Variants in PRR33 observed in about 807,000 individuals in gnomAD.
The protein encoded by PRR33 is proline-rich protein 33.
In PRR33, 1 loss-of-function variant was observed where a neutral mutation model predicts 0.5. That is an observed-to-expected ratio of 2.18 (90% CI 0.77 to 10.34). The LOEUF (loss-of-function observed/expected upper bound fraction) is 10.34, where lower values mean the gene tolerates loss of function less well. Among genes scored for constraint, PRR33 ranks in the 30% most tolerant of loss-of-function variants. The pLI is 0.13. For synonymous variants in PRR33, 226 were observed against 110.0 expected (o/e 2.06, Z -6.60); for missense variants, 552 against 251.8 (o/e 2.19, Z -8.07).
At chr11:1,892,850 G>A (rs773853606), upstream of PRR33, among the ~76,000 whole-genome samples, 14 of 152,066 alleles carry the variant, frequency 9.2e-5, no homozygotes, top group Non-Finnish European at 2.1e-4. Flanking sequence ...ATGGATGAGT[G>A]GACAGATAGG....
At chr11:1,889,376 G>C (rs555029560) in exon 1 of PRR33, 1 of 706,042 alleles carries the variant, frequency 1.4e-6, no homozygotes, top group Non-Finnish European at 2.6e-6. Context: ...GGTACAGCAC[G>C]GCATCCCACA....
the PRR33 span, among the ~76,000 whole-genome samples, chr11:1,905,365 G>A: frequency 1.3e-5 from 2 of 151,002 alleles, no homozygotes; most frequent in Non-Finnish European, 2.9e-5. Flanking sequence ...GACCTCAGGT[G>A]ATCCGTCTGC....
upstream of PRR33, among the ~76,000 whole-genome samples, chr11:1,894,683 G>A (rs1849104613): frequency 6.6e-6 from 1 of 152,150 alleles, no homozygotes; most frequent in African/African-American, 2.4e-5. Context: ...GCCACAGCAT[G>A]GGTACACCCC....
the PRR33 span, among the ~76,000 whole-genome samples, chr11:1,915,934 T>C: frequency 3.4e-5 from 5 of 147,910 alleles, no homozygotes. Flanking sequence ...TAATGATGGA[T>C]GGATGGATGG....
chr11:1,908,991 T>G, the PRR33 span, among the ~76,000 whole-genome samples: 5 of 152,264 alleles, frequency 3.3e-5, no homozygotes, highest in African/African-American at 1.2e-4. Context: ...GCAAATGCCC[T>G]TCCCCCTATA....
the PRR33 span, among the ~76,000 whole-genome samples, chr11:1,913,512 CT>C: frequency 4.6e-4 from 70 of 152,282 alleles, no homozygotes; most frequent in South Asian, 0.013. Context: ...GCACCCAGGG[CT>C]TTGCTCTGGG....
the PRR33 span, among the ~76,000 whole-genome samples, chr11:1,912,852 C>T: frequency 2.0e-5 from 3 of 152,190 alleles, no homozygotes; most frequent in Admixed American, 6.5e-5. Context: ...AGTGATCTGC[C>T]CTCCTCGGCC....
chr11:1,896,616 C>T (rs1159928872), upstream of PRR33, among the ~76,000 whole-genome samples: 1 of 152,128 alleles, frequency 6.6e-6, no homozygotes, highest in Non-Finnish European at 1.5e-5. Flanking sequence ...CCTTTCTCGT[C>T]TGTATGGCTT....
the PRR33 span, among the ~76,000 whole-genome samples, chr11:1,898,132 G>T: frequency 3.3e-5 from 5 of 152,184 alleles, no homozygotes; most frequent in East Asian, 9.6e-4. Context: ...AAGGGATCCA[G>T]AGCAAGTCTA....
chr11:1,894,219 G>A (rs1849098324), upstream of PRR33, among the ~76,000 whole-genome samples: 2 of 119,688 alleles, frequency 1.7e-5, no homozygotes, highest in Non-Finnish European at 3.7e-5. Context: ...GGCTGGGAGT[G>A]TGGGAGTGTG....
chr11:1,890,735 A>G (rs1848966054), exon 1 of PRR33: 3 of 604,388 alleles, frequency 5.0e-6, no homozygotes, highest in Non-Finnish European at 8.8e-6. Flanking sequence ...AGAACCTGCC[A>G]GGGACATGCT....
At chr11:1,892,572 C>G (rs1176616283), upstream of PRR33, among the ~76,000 whole-genome samples, 1 of 152,178 alleles carries the variant, frequency 6.6e-6, no homozygotes, top group Admixed American at 6.5e-5. Context: ...AGGGCAAGAT[C>G]CACCTCGGGG....
At chr11:1,894,971 A>AT (rs1353175492), upstream of PRR33, among the ~76,000 whole-genome samples, 4 of 151,964 alleles carry the variant, frequency 2.6e-5, no homozygotes, top group Non-Finnish European at 5.9e-5. Flanking sequence ...GCGGTCTGTG[A>AT]TTTTGGCTTG....
At chr11:1,910,969 C>T in the PRR33 span, among the ~76,000 whole-genome samples, 9 of 152,090 alleles carry the variant, frequency 5.9e-5, no homozygotes, top group Admixed American at 4.6e-4. Flanking sequence ...AAAACTAATT[C>T]TTGATCAGTG....
chr11:1,910,281 G>A, the PRR33 span, among the ~76,000 whole-genome samples: 4 of 152,014 alleles, frequency 2.6e-5, no homozygotes, highest in South Asian at 2.1e-4. Context: ...ACGGAGTCTC[G>A]CTCTGTTGCC....
At chr11:1,888,794 C>A (rs188495247) in exon 1 of PRR33, 139 of 235,620 alleles carry the variant, frequency 5.9e-4, no homozygotes, top group Middle Eastern at 2.6e-3. Context: ...GAGGCCCAGG[C>A]CCCTGAGGAG....
chr11:1,893,280 G>T (rs1158759880), upstream of PRR33, among the ~76,000 whole-genome samples: 1 of 150,668 alleles, frequency 6.6e-6, no homozygotes, highest in East Asian at 2.0e-4. Context: ...GTGAGTGGAG[G>T]GATGGGTGAG....
chr11:1,914,898 G>A, the PRR33 span, among the ~76,000 whole-genome samples: 1 of 141,046 alleles, frequency 7.1e-6, no homozygotes, highest in Non-Finnish European at 1.5e-5. Flanking sequence ...TCACACACCT[G>A]GGATGATGTT....
At chr11:1,889,162 C>T in exon 1 of PRR33, 4 of 669,186 alleles carry the variant, frequency 6.0e-6, no homozygotes, top group Non-Finnish European at 1.1e-5. Context: ...AGCCTCCAGC[C>T]AGTCGCTGTG....
Sources: gnomAD v4.1 joint callset for allele counts (sites outside exome capture counted in the v4.1 genomes callset) on GRCh38, gnomAD v4.1.1 for gene constraint, MANE v1.5 for transcripts, NCBI Gene and HGNC (gene_info 2026-07-23, HGNC 2026-07-21) for gene names.